FHAD1: variants seen among roughly 807,000 people sequenced by gnomAD.
FHAD1 encodes forkhead-associated domain-containing protein 1.
Under a neutral mutation model 191.3 loss-of-function variants are expected in FHAD1, and 146 were observed. The ratio of observed to expected loss-of-function variants is 0.76; its 90% confidence interval spans 0.67 to 0.88. FHAD1 has a LOEUF of 0.88. Among genes scored for constraint, FHAD1 ranks in the 40% least tolerant of loss-of-function variants. The pLI, the probability that FHAD1 is intolerant of heterozygous loss-of-function variation, is 0.00. For synonymous variants in FHAD1, 616 were observed against 672.3 expected (o/e 0.92, Z 1.29); for missense variants, 1,635 against 1,785.8 (o/e 0.92, Z 1.52).
chr1:15,241,678 CAAA>C (rs61608453), intron 1 of FHAD1, among the ~76,000 whole-genome samples: 1 of 151,398 alleles, frequency 6.6e-6, no homozygotes, highest in Non-Finnish European at 1.5e-5. Flanking sequence ...AACAAACAAA[CAAA>C]AAAAACCCAG....
Position 15,324,501 on chromosome 1 carries a change from A to C in FHAD1, c.1415A>C (p.Gln472Pro). Reference sequence around the variant, plus strand: ...TCCAGAAGGAAATTGCTTCAGCTGCAAGAAATGGGGAACAGAGAGAGCGTC... The same window carrying C: ...TCCAGAAGGAAATTGCTTCAGCTGCCAGAAATGGGGAACAGAGAGAGCGTC... ...EDSRRKLLQLQEMGNRESVIK... is the reference protein window; with the variant it reads ...EDSRRKLLQLPEMGNRESVIK... The change falls in exon 11 of 34, where the codon CAA becomes CCA. Residue 472 changes from glutamine (Q) to proline (P), a missense_variant. Coordinates refer to ENST00000688493, the MANE Select transcript of FHAD1 (RefSeq NM_001391957.1). 1 of 1,552,294 alleles carries C rather than the reference A, an allele frequency of 6.4e-7. No homozygotes were observed. The highest frequency in any genetic ancestry group is 8.7e-7 in the Non-Finnish European group (1 of 1,147,104).
chr1:15,268,981 T>C (rs1349143031), intron 2 of FHAD1, among the ~76,000 whole-genome samples: 1 of 152,152 alleles, frequency 6.6e-6, no homozygotes, highest in Non-Finnish European at 1.5e-5. Context: ...AGAATATAAA[T>C]ATTCCATAAT....
intron 1 of FHAD1, among the ~76,000 whole-genome samples, chr1:15,238,612 G>C (rs1006911375): frequency 6.6e-6 from 1 of 152,208 alleles, no homozygotes; most frequent in Non-Finnish European, 1.5e-5. Flanking sequence ...GGCAGAGACT[G>C]TCTCTCTTCT....
At chr1:15,348,925 C>T in intron 18 of FHAD1, 117 bp from the exon 19 acceptor site, 2 of 703,064 alleles carry the variant, frequency 2.8e-6, no homozygotes, top group Non-Finnish European at 4.7e-6. Context: ...TATTTAATAG[C>T]CGCCCCAACA....
exon 1 of FHAD1, among the ~76,000 whole-genome samples, chr1:15,236,645 C>T (rs1644818850): frequency 1.3e-5 from 2 of 152,216 alleles, no homozygotes; most frequent in South Asian, 4.1e-4. Flanking sequence ...TTTCTGGGAC[C>T]ATTATACAGA....
intron 2 of FHAD1, among the ~76,000 whole-genome samples, chr1:15,257,243 C>T (rs905385094): frequency 6.6e-6 from 1 of 152,222 alleles, no homozygotes; most frequent in African/African-American, 2.4e-5. Context: ...GGGTCAGTTC[C>T]CCACCAACAG....
chr1:15,287,389 A>C (rs748455632), intron 3 of FHAD1, among the ~76,000 whole-genome samples: 7 of 152,194 alleles, frequency 4.6e-5, no homozygotes, highest in Non-Finnish European at 7.3e-5. Flanking sequence ...ATTGACTCAC[A>C]GTTCCCCAGG....
chr1:15,277,212 C>T (rs776688506), intron 3 of FHAD1, among the ~76,000 whole-genome samples: 6 of 152,168 alleles, frequency 3.9e-5, no homozygotes, highest in Non-Finnish European at 8.8e-5. Context: ...TGCAGTCCTT[C>T]GACCCTCTTG....
intron 32 of FHAD1, among the ~76,000 whole-genome samples, chr1:15,389,452 A>AAAT (rs999362170): frequency 6.7e-6 from 1 of 149,906 alleles, no homozygotes; most frequent in African/African-American, 2.5e-5. Flanking sequence ...TGTCTCAAAA[A>AAAT]AAAAAAAAAA....
intron 4 of FHAD1, among the ~76,000 whole-genome samples, chr1:15,293,585 GCA>G (rs1491259108): frequency 2.1e-4 from 32 of 152,236 alleles, no homozygotes; most frequent in South Asian, 4.1e-4. Context: ...GGGTGTGGTG[GCA>G]CGCACCTGTA....
intron 2 of FHAD1, among the ~76,000 whole-genome samples, chr1:15,259,062 A>T (rs1180934789): frequency 6.6e-6 from 1 of 152,162 alleles, no homozygotes; most frequent in African/African-American, 2.4e-5. Flanking sequence ...GTCTCCCCAC[A>T]TCCTCACCAG....
chr1:15,336,470 G>A (rs896834436), intron 14 of FHAD1, among the ~76,000 whole-genome samples: 1 of 151,730 alleles, frequency 6.6e-6, no homozygotes, highest in Non-Finnish European at 1.5e-5. Flanking sequence ...CATGCAGCAC[G>A]TACCCTGCCC....
rs191981718 is a variant in FHAD1 at position 15,261,572 on chromosome 1, C to T, written c.93+9695C>T. ...GATTCTGGGGAGCTCTCAGAGATAC[C>T]GCCTGAAACAGCGTCTTCTCGGGGA... On this transcript the variant is annotated intron_variant, in intron 2 of 33. Transcript: ENST00000688493. 6.4e-3 allele frequency among the ~76,000 whole-genome samples: 967 copies of T among 152,210 alleles called. 7 individuals carry two copies. The highest frequency in any genetic ancestry group is 9.9e-3 in the Non-Finnish European group (676 of 68,006).
chr1:15,329,683 G>C lies in FHAD1; in HGVS notation c.1906+142G>C. ...CTTCTCCAGAACCCCCTGCTTCTCT[G>C]CTTGAGGCGTAATTTTCCATTAAAA... is the stretch of plus-strand genomic sequence containing the variant. On this transcript the variant is annotated intron_variant, in intron 14 of 33. Coordinates refer to ENST00000688493, the MANE Select transcript of FHAD1 (RefSeq NM_001391957.1). The surrounding 1 kb of genome is among the most constrained non-coding windows in gnomAD (Gnocchi z 5.0). 1.6e-6 allele frequency: 1 copy of C among 611,232 alleles called. No homozygotes were observed. Among genetic ancestry groups the C allele is most frequent in the Non-Finnish European group, 2.7e-6 (1 of 368,664 alleles). The allele number at this position is 611,232 out of a possible 1,614,324, so 37.9% of individuals were successfully genotyped here. A position where few individuals can be genotyped will look rare whatever the true frequency, so the allele number is the denominator to read the frequency against.
rs1361523115 is a variant in FHAD1 at position 15,360,526 on chromosome 1, C to T, written c.2785C>T (p.Leu929Phe). 6 of 1,551,640 alleles carry T rather than the reference C, an allele frequency of 3.9e-6. No homozygotes were observed. In the South Asian group the frequency reaches 4.8e-5, roughly 12 times the overall value. Residue 929 changes from leucine to phenylalanine, a missense_variant, in exon 22 of 34, where the codon CTC (leucine) becomes TTC (phenylalanine). Physicochemically the swap from Leu to Phe is conservative, Grantham distance 22. Transcript: ENST00000688493. ...LILQQKMVKA[L>F]QDEQESQRHG... ...CCTGCAGCAGAAGATGGTAAAGGCC[C>T]TCCAGGATGAGCAGGAATCACAGAG...
intron 20 of FHAD1, among the ~76,000 whole-genome samples, chr1:15,353,704 C>CAAAAAAAAAAAAAAAAAAAAAAAAAA (rs60518389): frequency 4.9e-5 from 3 of 60,970 alleles, no homozygotes; most frequent in African/African-American, 6.6e-5. Context: ...GACTCCATCT[C>CAAAAAAAAAAAAAAAAAAAAAAAAAA]AAAAAAAAAA....
chr1:15,382,068 G>A lies in FHAD1; in HGVS notation c.4063G>A (p.Ala1355Thr). ...CATTGAGATGTACCAGTCGCAGGTG[G>A]CAAAGCTGGAGGATGATATCTACAA... The part of the protein sequence containing the change: ...VSIEMYQSQV[A>T]KLEDDIYKEA... The change falls in exon 31 of 34, where the codon GCA becomes ACA. Residue 1355 changes from alanine to threonine, a missense_variant. By Grantham distance (58) the Ala-to-Thr change is moderately conservative (BLOSUM62 0). Coordinates refer to ENST00000688493, the MANE Select transcript of FHAD1 (RefSeq NM_001391957.1). 1.3e-6 allele frequency: 2 copies of A among 1,552,160 alleles called. No individual in the cohort carries two copies. The highest frequency in any genetic ancestry group is 1.7e-6 in the Non-Finnish European group (2 of 1,147,102).
At chr1:15,240,151 T>TGG (rs1480640580) in intron 1 of FHAD1, among the ~76,000 whole-genome samples, 1 of 152,320 alleles carries the variant, frequency 6.6e-6, no homozygotes, top group African/African-American at 2.4e-5. Context: ...GAGAGTCTAC[T>TGG]GGGGGTCCAG....
intron 33 of FHAD1, among the ~76,000 whole-genome samples, chr1:15,392,500 C>T (rs1212027229): frequency 6.6e-6 from 1 of 152,064 alleles, no homozygotes; most frequent in Admixed American, 6.5e-5. Flanking sequence ...CCACTGCACT[C>T]CAGCCTGGGG....
Sources: allele counts gnomAD v4.1 joint callset (sites outside exome capture counted in the v4.1 genomes callset), GRCh38; gene constraint gnomAD v4.1.1; non-coding constraint Gnocchi (gnomAD v3.1); transcripts MANE v1.5; gene names NCBI Gene and HGNC (gene_info 2026-07-23, HGNC 2026-07-21).